Variants in SORCS1 observed in about 807,000 individuals in gnomAD.
SORCS1 encodes sortilin related VPS10 domain containing receptor 1, also known as VPS10 domain-containing receptor SorCS1.
Under a neutral mutation model 146.1 loss-of-function variants are expected in SORCS1, and 60 were observed. That is an observed-to-expected ratio of 0.41 (90% CI 0.33 to 0.51). SORCS1 has a LOEUF of 0.51. SORCS1 is among the 20% of genes least tolerant of loss of function. The pLI is 0.21. For missense variants in SORCS1, 1,352 were observed against 1,487.6 expected, an observed-to-expected ratio of 0.91 and a Z score of 1.50; for synonymous variants, 637 against 584.0, an observed-to-expected ratio of 1.09 and a Z score of -1.31.
At chr10:107,130,225 C>T (rs1440259997) in intron 1 of SORCS1, among the ~76,000 whole-genome samples, 1 of 152,100 alleles carries the variant, frequency 6.6e-6, no homozygotes, top group East Asian at 1.9e-4. Flanking sequence ...ACTCTAGTGT[C>T]CTTATGTAGA....
intron 1 of SORCS1, among the ~76,000 whole-genome samples, chr10:107,120,207 G>A (rs2134532181): frequency 6.6e-6 from 1 of 152,180 alleles, no homozygotes; most frequent in South Asian, 2.1e-4. Flanking sequence ...GGTAAGTATT[G>A]AATGAATGTT....
At chr10:107,168,689 T>C (rs956632306), upstream of SORCS1, among the ~76,000 whole-genome samples, 13 of 112,236 alleles carry the variant, frequency 1.2e-4, no homozygotes, top group Non-Finnish European at 2.3e-4. Flanking sequence ...TTTTTTTTTT[T>C]ACAAAGCTTA....
intron 3 of SORCS1, among the ~76,000 whole-genome samples, chr10:106,801,881 T>C (rs1352078227): frequency 6.6e-6 from 1 of 152,200 alleles, no homozygotes; most frequent in Non-Finnish European, 1.5e-5. Context: ...AAAAGTTTCA[T>C]GACTAGTCCA....
chr10:106,785,861 T>C (rs79933087), intron 3 of SORCS1, among the ~76,000 whole-genome samples: 2 of 152,308 alleles, frequency 1.3e-5, no homozygotes, highest in East Asian at 3.9e-4. Context: ...ATGAGGTCCA[T>C]TTCATGTAAA....
chr10:106,743,218 G>A (rs1857481407), intron 5 of SORCS1, among the ~76,000 whole-genome samples: 1 of 151,992 alleles, frequency 6.6e-6, no homozygotes, highest in African/African-American at 2.4e-5. Context: ...AGAGAGGATA[G>A]GAGAATGAGA....
intron 24 of SORCS1, 130 bp from the exon 25 acceptor site, chr10:106,579,604 T>C: frequency 2.3e-6 from 2 of 871,464 alleles, no homozygotes; most frequent in Non-Finnish European, 3.6e-6. Flanking sequence ...ACACACAAGA[T>C]GCATGTCACA....
chr10:106,807,993 T>C (rs1947270430), intron 3 of SORCS1, among the ~76,000 whole-genome samples: 1 of 152,240 alleles, frequency 6.6e-6, no homozygotes, highest in Admixed American at 6.5e-5. Flanking sequence ...GAGTTTCTTC[T>C]TCTACATGGT....
At chr10:106,635,480 A>C (rs1264374183) in intron 18 of SORCS1, among the ~76,000 whole-genome samples, 1 of 152,198 alleles carries the variant, frequency 6.6e-6, no homozygotes, top group Non-Finnish European at 1.5e-5. Flanking sequence ...GAGAAAGGTG[A>C]AGCAAAAGGT....
At chr10:106,748,310 A>G (rs182586430) in intron 5 of SORCS1, among the ~76,000 whole-genome samples, 1 of 152,310 alleles carries the variant, frequency 6.6e-6, no homozygotes, top group East Asian at 1.9e-4. Flanking sequence ...TTTCATGATT[A>G]TAACATCTGT....
chr10:106,987,430 T>A (rs1008058759), intron 1 of SORCS1, among the ~76,000 whole-genome samples: 7 of 152,212 alleles, frequency 4.6e-5, no homozygotes, highest in African/African-American at 1.7e-4. Flanking sequence ...TCACTCAGAT[T>A]TTGAGGCTCT....
intron 1 of SORCS1, among the ~76,000 whole-genome samples, chr10:107,002,167 C>T (rs1257225801): frequency 6.6e-6 from 1 of 152,310 alleles, no homozygotes; most frequent in East Asian, 1.9e-4. Flanking sequence ...AGGAGCATCA[C>T]CACAAAAGGT....
At chr10:106,764,040 T>C (rs924797241) in intron 4 of SORCS1, among the ~76,000 whole-genome samples, 9 of 152,224 alleles carry the variant, frequency 5.9e-5, no homozygotes, top group Non-Finnish European at 7.3e-5. Context: ...GGTTTCACAA[T>C]TGGTGTACAA....
intron 6 of SORCS1, among the ~76,000 whole-genome samples, chr10:106,721,601 G>A (rs1274061274): frequency 2.0e-5 from 3 of 152,178 alleles, no homozygotes; most frequent in East Asian, 1.9e-4. Context: ...TAATGTCCAA[G>A]ATTGCTGAGG....
chr10:106,677,847 A>C (rs536798568), intron 12 of SORCS1, among the ~76,000 whole-genome samples: 17 of 152,354 alleles, frequency 1.1e-4, no homozygotes, highest in Non-Finnish European at 2.1e-4. Context: ...TCATGCATAC[A>C]GTAATGGATA....
At chr10:107,001,309 G>A (rs1408425938) in intron 1 of SORCS1, among the ~76,000 whole-genome samples, 1 of 152,176 alleles carries the variant, frequency 6.6e-6, no homozygotes, top group Non-Finnish European at 1.5e-5. Context: ...AGGCAGTGGG[G>A]AGTGCAATGG....
intron 3 of SORCS1, among the ~76,000 whole-genome samples, chr10:106,814,914 C>A (rs1183531436): frequency 1.2e-3 from 81 of 66,066 alleles, no homozygotes; most frequent in Admixed American, 1.7e-3. Flanking sequence ...GACTCCATCT[C>A]AAAAAAAAAA....
chr10:106,627,911 C>A (rs1221717245), intron 19 of SORCS1, among the ~76,000 whole-genome samples: 1 of 152,114 alleles, frequency 6.6e-6, no homozygotes, highest in African/African-American at 2.4e-5. Context: ...AGTAGGTGGG[C>A]CACTTCAAAC....
At chr10:106,620,713 T>G in intron 19 of SORCS1, 152 bp from the exon 20 acceptor site, 1 of 927,818 alleles carries the variant, frequency 1.1e-6, no homozygotes, top group Non-Finnish European at 1.5e-6. Flanking sequence ...TTTCCCCACT[T>G]TGGAGAAAGA....
At chr10:106,581,446 G>A (rs1236691500) in intron 24 of SORCS1, among the ~76,000 whole-genome samples, 1 of 151,674 alleles carries the variant, frequency 6.6e-6, no homozygotes, top group Admixed American at 6.6e-5. Flanking sequence ...AGCACAAAAA[G>A]CAAATTAACA....
Sources: allele counts gnomAD v4.1 joint callset (sites outside exome capture counted in the v4.1 genomes callset), GRCh38; gene constraint gnomAD v4.1.1; transcripts MANE v1.5; gene names NCBI Gene and HGNC (gene_info 2026-07-23, HGNC 2026-07-21).